The following DCAF5 variants were observed in gnomAD, a reference collection of about 807,000 sequenced individuals.
The protein encoded by DCAF5 is DDB1 and CUL4 associated factor 5.
In DCAF5, 9 loss-of-function variants were observed where a neutral mutation model predicts 80.7. The ratio of observed to expected loss-of-function variants is 0.11; its 90% confidence interval spans 0.07 to 0.19. DCAF5 has a LOEUF of 0.19. DCAF5 is among the 10% of genes least tolerant of loss of function. The pLI is 1.00. For missense variants in DCAF5, 842 were observed against 1,205.7 expected (o/e 0.70, Z 4.47); for synonymous variants, 433 against 461.9 (o/e 0.94, Z 0.80).
At chr14:69,092,453 C>T (rs902477955) in intron 5 of DCAF5, among the ~76,000 whole-genome samples, 2 of 151,986 alleles carry the variant, frequency 1.3e-5, no homozygotes, top group Admixed American at 6.6e-5. Flanking sequence ...TTTGTCTCTA[C>T]AAAAAAATTA....
At chr14:69,080,514 G>A (rs941201434) in intron 6 of DCAF5, among the ~76,000 whole-genome samples, 1 of 152,188 alleles carries the variant, frequency 6.6e-6, no homozygotes, top group Non-Finnish European at 1.5e-5. Flanking sequence ...TTCACCTCAA[G>A]TAGTGAAATT....
At chr14:69,124,072 G>A (rs780482483) in intron 1 of DCAF5, among the ~76,000 whole-genome samples, 1 of 152,128 alleles carries the variant, frequency 6.6e-6, no homozygotes, top group Non-Finnish European at 1.5e-5. Flanking sequence ...AAATCACACA[G>A]TATTTCTCCT....
At chr14:69,110,961 T>C (rs1227663265) in intron 5 of DCAF5, among the ~76,000 whole-genome samples, 2 of 152,060 alleles carry the variant, frequency 1.3e-5, no homozygotes, top group Non-Finnish European at 2.9e-5. Flanking sequence ...GTGTCAATTT[T>C]TTCTTTGATG....
At chr14:69,084,399 T>C (rs2039237747) in intron 6 of DCAF5, 2 of 910,658 alleles carry the variant, frequency 2.2e-6, no homozygotes, top group African/African-American at 1.6e-5. Context: ...ATCTTGGATG[T>C]TGAGTTTGAA....
chr14:69,054,983 G>C lies in DCAF5; in HGVS notation c.1703C>G (p.Ser568Cys). ...TTCATTCAGCTCCTCCTCATCCTCA[G>C]AGCTGCTAGAGCTGCTGGAACTGCT... ...ESSSSSSSSS[S>C]EDEEELNERR... The change falls in exon 9 of 9, where the codon TCT becomes TGT. Residue 568 changes from serine to cysteine, a missense_variant. Physicochemically the swap from Ser to Cys is moderately radical, Grantham distance 112. Around this residue, in one of 5 missense-constraint regions of DCAF5, gnomAD observed 607 missense variants for 656.6 expected, o/e 0.92. Coordinates refer to ENST00000341516, the MANE Select transcript of DCAF5 (RefSeq NM_003861.3). 1.2e-6 allele frequency: 2 copies of C among 1,614,254 alleles called. No homozygotes were observed.
chr14:69,093,293 C>A (rs1374457551), intron 5 of DCAF5, among the ~76,000 whole-genome samples: 1 of 152,172 alleles, frequency 6.6e-6, no homozygotes, highest in Non-Finnish European at 1.5e-5. Flanking sequence ...CTCACTCTGT[C>A]TCATGCAGAC....
At chr14:69,082,923 A>G (rs1566738748) in intron 6 of DCAF5, among the ~76,000 whole-genome samples, 1 of 152,222 alleles carries the variant, frequency 6.6e-6, no homozygotes, top group Non-Finnish European at 1.5e-5. Flanking sequence ...TAGTGGGGCC[A>G]GACTCTTAGC....
At position 69,110,228 on chromosome 14, in the gene DCAF5, C is replaced by CT. The variant is rs150033987; in HGVS notation, c.665+6137dup. ...GGATATTCTTAATGTATGTATTATG[C>CT]TTTTTTTTTTCTGATCTGTTCTTGG... On this transcript the variant is annotated intron_variant, in intron 5 of 8. Coordinates refer to ENST00000341516, the MANE Select transcript of DCAF5 (RefSeq NM_003861.3). Among the ~76,000 whole-genome samples the CT allele has an allele frequency of 8.6e-3, 1,157 of 133,872 alleles. 16 individuals are homozygous for CT. Among genetic ancestry groups the CT allele is most frequent in the African/African-American group, 0.031 (1,096 of 35,360 alleles). The allele number at this position is 133,872 out of a possible 152,430, so 87.8% of individuals were successfully genotyped here.
chr14:69,152,695 CGGGGGAGAGCGAGA>C lies in DCAF5; in HGVS notation c.214+56_214+69del. ...GGGACAGAGGGCAGGAGGAGGGTGA[CGGGGGAGAGCGAGA>C]GGGGGAGGCTGGGAGGGTGCGGGGA... On this transcript the variant is annotated intron_variant, in intron 1 of 8. Transcript: ENST00000341516. The surrounding 1 kb of genome is among the most constrained non-coding windows in gnomAD (Gnocchi z 4.1). 1 of 1,049,698 alleles carries C rather than the reference CGGGGGAGAGCGAGA, an allele frequency of 9.5e-7. No individual in the cohort carries two copies. Among genetic ancestry groups the C allele is most frequent in the Middle Eastern group, 3.0e-4 (1 of 3,320 alleles). The allele number at this position is 1,049,698 out of a possible 1,614,324, so 65.0% of individuals were successfully genotyped here.
At chr14:69,080,186 A>C (rs756097863) in intron 6 of DCAF5, among the ~76,000 whole-genome samples, 1 of 152,186 alleles carries the variant, frequency 6.6e-6, no homozygotes, top group Non-Finnish European at 1.5e-5. Flanking sequence ...ATTTACTATC[A>C]TAAGAGCAGC....
Position 69,116,430 on chromosome 14 carries a change from T to G in DCAF5, c.601A>C (p.Arg201=). The change falls in exon 5 of 9, where the codon AGG becomes CGG. Residue 201 remains arginine (R), a synonymous_variant. Coordinates refer to ENST00000341516, the MANE Select transcript of DCAF5 (RefSeq NM_003861.3). ...TTTGAATTGGCTGTGGCCAACAACC[T>G]GGGCTCCACAGGGTTAAACATGACA... is the stretch of plus-strand genomic sequence containing the variant. ...HSVMFNPVEP[R]LLATANSKEG... The G allele has an allele frequency of 6.2e-7, 1 of 1,613,650 alleles. No homozygotes were observed.
At position 69,053,538 on chromosome 14, in the gene DCAF5, C is replaced by G; in HGVS notation, c.*319G>C. ...GCGCACACGTGCCATTGTGCGTACA[C>G]AAGAACAAGTCGAACGTCTCAACAA... On this transcript the variant is annotated 3_prime_UTR_variant, in exon 9 of 9. Transcript: ENST00000341516. 3.6e-6 allele frequency: 1 copy of G among 279,898 alleles called. No homozygotes were observed. 17.3% of individuals were successfully genotyped at this position (279,898 alleles called of 1,614,324 possible). A position where few individuals can be genotyped will look rare whatever the true frequency, so the allele number is the denominator to read the frequency against.
intron 6 of DCAF5, among the ~76,000 whole-genome samples, chr14:69,082,343 G>T (rs1435187327): frequency 6.6e-6 from 1 of 152,156 alleles, no homozygotes; most frequent in Non-Finnish European, 1.5e-5. Flanking sequence ...CACTATTTTT[G>T]CAAGTGAAGT....
chr14:69,130,428 A>G (rs2041006614), intron 1 of DCAF5, among the ~76,000 whole-genome samples: 1 of 152,224 alleles, frequency 6.6e-6, no homozygotes, highest in Admixed American at 6.5e-5. Context: ...CTGGGGGAAA[A>G]GAGGAATGGC....
Position 69,055,631 on chromosome 14 carries a change from CA to C in DCAF5, c.1075-21del, listed in dbSNP as rs987022670. On this transcript the variant is annotated intron_variant, in intron 8 of 8. Transcript: ENST00000341516. The surrounding 1 kb of genome is among the most constrained non-coding windows in gnomAD (Gnocchi z 5.6). ...CCAGATCTGAACAGAAAATGAAAAACAAAAGCAACAAGGAGTAACTGGAAAG... is the reference window on the plus strand; with the variant it reads ...CCAGATCTGAACAGAAAATGAAAAACAAAGCAACAAGGAGTAACTGGAAAG... 5 of 1,575,184 alleles carry C rather than the reference CA, an allele frequency of 3.2e-6. No homozygotes were observed. The African/African-American group carries it at 5.4e-5, about 17-fold the overall frequency.
chr14:69,057,646 T>G (rs985922851), intron 8 of DCAF5, among the ~76,000 whole-genome samples: 3 of 152,210 alleles, frequency 2.0e-5, no homozygotes, highest in African/African-American at 7.2e-5. Flanking sequence ...TGGAATGTAT[T>G]AAGCTGAGGT....
chr14:69,055,403 T>G lies in DCAF5; in HGVS notation c.1283A>C (p.Glu428Ala). ...ACTGTCTGAGTCAGAGCTCCAGCCC[T>G]CGATCTCTCGGCGTACCAGTGAGTC... Reference protein sequence around the residue: ...FFDSLVRREIEGWSSDSDSDL... With the variant: ...FFDSLVRREIAGWSSDSDSDL... The change falls in exon 9 of 9, where the codon GAG becomes GCG. Residue 428 changes from glutamate (E) to alanine (A), a missense_variant. Glu to Ala is a moderately radical substitution (Grantham distance 107, BLOSUM62 -1). Coordinates refer to ENST00000341516, the MANE Select transcript of DCAF5 (RefSeq NM_003861.3). This position sits in a 1 kb window ranked among gnomAD's most constrained non-coding sequence, Gnocchi z 5.6. 6.2e-7 allele frequency: 1 copy of G among 1,614,124 alleles called. No homozygotes were observed. Among genetic ancestry groups the G allele is most frequent in the Non-Finnish European group, 8.5e-7 (1 of 1,180,006 alleles).
At chr14:69,127,319 G>A (rs561716048) in intron 1 of DCAF5, among the ~76,000 whole-genome samples, 28 of 152,210 alleles carry the variant, frequency 1.8e-4, no homozygotes, top group African/African-American at 6.3e-4. Context: ...AAAAAGAAAC[G>A]AAATATCAAG....
rs549407180 is a variant in DCAF5, at chr14:69,120,450, A to G, written c.359-1220T>C. ...AATTTGATGACTGTGATTCCAAATG[A>G]TGTGAAAGTTTTAATCTTGTATTTC... is the stretch of plus-strand genomic sequence containing the variant. On this transcript the variant is annotated intron_variant, in intron 2 of 8. Transcript: ENST00000341516. Among the ~76,000 whole-genome samples the G allele has an allele frequency of 1.4e-3, 214 of 152,232 alleles. 5 individuals are homozygous for G. The South Asian group carries it at 0.028, about 20-fold the overall frequency.
Sources: gnomAD v4.1 joint callset for allele counts (sites outside exome capture counted in the v4.1 genomes callset) on GRCh38, gnomAD v4.1.1 for gene constraint, gnomAD v4.1.1 regional missense constraint, Gnocchi (gnomAD v3.1) non-coding constraint, MANE v1.5 for transcripts, NCBI Gene and HGNC (gene_info 2026-07-23, HGNC 2026-07-21) for gene names.